The following LRR1 variants were observed in gnomAD, a reference collection of about 807,000 sequenced individuals.
The protein encoded by LRR1 is leucine rich repeat protein 1.
Under a neutral mutation model 31.6 loss-of-function variants are expected in LRR1, and 29 were observed. The ratio of observed to expected loss-of-function variants is 0.92; its 90% confidence interval spans 0.68 to 1.25. The LOEUF (loss-of-function observed/expected upper bound fraction) is 1.25, where lower values mean the gene tolerates loss of function less well. Among genes scored for constraint, LRR1 ranks in the 50% most tolerant of loss-of-function variants. LRR1 has a pLI of 0.00. For synonymous variants in LRR1, 179 were observed against 181.4 expected (o/e 0.99, Z 0.10); for missense variants, 485 against 487.2 (o/e 1.00, Z 0.04).
rs756250676 is a variant in LRR1, at chr14:49,607,904, C to A, written c.787C>A (p.Gln263Lys). The A allele has an allele frequency of 2.5e-6, 4 of 1,613,176 alleles. No individual in the cohort carries two copies. Among genetic ancestry groups the A allele is most frequent in the Admixed American group, 1.7e-5 (1 of 59,784 alleles). Residue 263 changes from glutamine to lysine, a missense_variant, in exon 3 of 4, where the codon CAA becomes AAA. This residue lies in a region of LRR1 where 210 missense variants were observed against 200.4 expected (regional missense o/e 1.05). Coordinates refer to ENST00000298288, the MANE Select transcript of LRR1 (RefSeq NM_152329.4). ...NLKLDDNELI[Q>K]FPCKIGQLIN... is the part of the protein sequence containing the mutation. ...AAAACTTGACGATAATGAATTGATT[C>A]AATTTCCTTGCAAGATAGGACAACT...
At chr14:49,612,669 T>C (rs1594592859) in intron 3 of LRR1, 2 of 1,027,764 alleles carry the variant, frequency 1.9e-6, no homozygotes, top group East Asian at 1.7e-4. Context: ...TTTCAGACTT[T>C]TCTGACAGGG....
intron 1 of LRR1, among the ~76,000 whole-genome samples, 184 bp from the exon 2 acceptor site, chr14:49,602,186 G>C (rs1482496100): frequency 1.3e-5 from 1 of 78,462 alleles, no homozygotes; most frequent in African/African-American, 4.9e-5. Context: ...GTCTCTTTCT[G>C]TTGCCCAGCC....
At chr14:49,606,040 T>C (rs1168643765) in intron 2 of LRR1, among the ~76,000 whole-genome samples, 1 of 151,138 alleles carries the variant, frequency 6.6e-6, no homozygotes, top group African/African-American at 2.4e-5. Flanking sequence ...TTTCTTTTTT[T>C]TTTTTTTATA....
At chr14:49,608,718 T>C (rs923167413) in intron 3 of LRR1, among the ~76,000 whole-genome samples, 1 of 151,766 alleles carries the variant, frequency 6.6e-6, no homozygotes, top group African/African-American at 2.4e-5. Context: ...AGATGCAGGT[T>C]CTAACATTCC....
At chr14:49,609,959 T>C (rs985586190) in intron 3 of LRR1, among the ~76,000 whole-genome samples, 1 of 151,984 alleles carries the variant, frequency 6.6e-6, no homozygotes, top group Non-Finnish European at 1.5e-5. Context: ...CTGCCTGTCT[T>C]GGTCTCTCAA....
intron 3 of LRR1, 85 bp from the exon 4 acceptor site, chr14:49,614,171 T>C: frequency 1.5e-6 from 2 of 1,362,214 alleles, no homozygotes; most frequent in South Asian, 1.4e-5. Flanking sequence ...ATTTTACTTT[T>C]CATTGTTAAA....
chr14:49,603,584 G>T, intron 2 of LRR1: 1 of 976,218 alleles, frequency 1.0e-6, no homozygotes, highest in Non-Finnish European at 1.3e-6. Flanking sequence ...AGGTTGGAGT[G>T]CAGTGGGAAG....
intron 3 of LRR1, among the ~76,000 whole-genome samples, chr14:49,609,125 G>T (rs1443328016): frequency 2.0e-5 from 3 of 148,418 alleles, no homozygotes; most frequent in Non-Finnish European, 4.5e-5. Context: ...CACCGTGTTA[G>T]CCAGGATGGT....
At position 49,602,355 on chromosome 14, in the gene LRR1, A is replaced by G. The variant is rs747751577; in HGVS notation, c.184-15A>G. The G allele has an allele frequency of 4.4e-6, 7 of 1,590,434 alleles. No homozygotes were observed. Among genetic ancestry groups the G allele is most frequent in the East Asian group, 2.2e-5 (1 of 44,722 alleles). Reference sequence around the variant, plus strand: ...TAATTAGTTTTCTTCTTTTTTTTCTATTGGTTTTATGCAGCTAAGGGAGAA... The same window carrying G: ...TAATTAGTTTTCTTCTTTTTTTTCTGTTGGTTTTATGCAGCTAAGGGAGAA... On this transcript the variant is annotated splice_polypyrimidine_tract_variant and intron_variant, in intron 1 of 3. Transcript: ENST00000298288.
At chr14:49,604,088 C>A (rs12883361) in intron 2 of LRR1, among the ~76,000 whole-genome samples, 151,130 of 151,130 alleles carry the variant, frequency 1, 75,565 homozygotes, top group Non-Finnish European at 1. Flanking sequence ...GGATCACTTG[C>A]TCTCAGGAGT....
In LRR1 at chr14:49,599,020, G is replaced by C. The variant is rs371268573; in HGVS notation, c.-1G>C. ...TGACGTGGTTGTGGCCGTTGGGCGA[G>C]ATGAAGCTACACTGTGAGGTGGAGG... is the stretch of plus-strand genomic sequence containing the variant. On this transcript the variant is annotated 5_prime_UTR_variant, in exon 1 of 4. Coordinates refer to ENST00000298288, the MANE Select transcript of LRR1 (RefSeq NM_152329.4). 3.7e-5 allele frequency: 59 copies of C among 1,606,072 alleles called. No individual in the cohort carries two copies. Among genetic ancestry groups the C allele is most frequent in the Non-Finnish European group, 4.6e-5 (54 of 1,176,246 alleles).
Position 49,614,638 on chromosome 14 carries a change from C to A in LRR1, c.*142C>A. 2 of 1,164,326 alleles carry A rather than the reference C, an allele frequency of 1.7e-6. No individual in the cohort carries two copies. Among genetic ancestry groups the A allele is most frequent in the Non-Finnish European group, 2.5e-6 (2 of 805,626 alleles). 72.1% of individuals were successfully genotyped at this position (1,164,326 alleles called of 1,614,324 possible). A position where few individuals can be genotyped will look rare whatever the true frequency, so the allele number is the denominator to read the frequency against. On this transcript the variant is annotated 3_prime_UTR_variant, in exon 4 of 4. Coordinates refer to ENST00000298288, the MANE Select transcript of LRR1 (RefSeq NM_152329.4). Reference sequence around the variant, plus strand: ...TGTGTATAGTTACTCATTTAGATGACTCCAAAACTTTTATTAAAACCAATT... The same window carrying A: ...TGTGTATAGTTACTCATTTAGATGAATCCAAAACTTTTATTAAAACCAATT...
At chr14:49,611,758 A>G (rs948128681) in intron 3 of LRR1, among the ~76,000 whole-genome samples, 6 of 152,072 alleles carry the variant, frequency 3.9e-5, no homozygotes, top group Admixed American at 3.9e-4. Context: ...CCCTGTCTCC[A>G]CTAAAAATAC....
intron 3 of LRR1, among the ~76,000 whole-genome samples, chr14:49,609,698 C>T (rs780996959): frequency 1.1e-4 from 17 of 150,866 alleles, no homozygotes; most frequent in South Asian, 6.3e-4. Flanking sequence ...TGAGCCACCG[C>T]GCCTGGCCTT....
chr14:49,609,301 C>G (rs1357762406), intron 3 of LRR1, among the ~76,000 whole-genome samples: 1 of 143,400 alleles, frequency 7.0e-6, no homozygotes, highest in Non-Finnish European at 1.5e-5. Context: ...TCTCAGCTCA[C>G]TGCAACTTCT....
chr14:49,604,278 C>G (rs998367667), intron 2 of LRR1, among the ~76,000 whole-genome samples: 6 of 152,164 alleles, frequency 3.9e-5, no homozygotes, highest in Admixed American at 2.6e-4. Flanking sequence ...GCACTCCAAC[C>G]TGGGCGACAG....
At chr14:49,606,371 T>C (rs1308299885) in intron 2 of LRR1, among the ~76,000 whole-genome samples, 1 of 140,294 alleles carries the variant, frequency 7.1e-6, no homozygotes, top group Non-Finnish European at 1.6e-5. Flanking sequence ...CGAGTTTCAC[T>C]TGTGTCGCCC....
chr14:49,607,678 C>T lies in LRR1; in HGVS notation c.561C>T (p.Asn187=). 1.9e-6 allele frequency: 3 copies of T among 1,611,262 alleles called. No homozygotes were observed. The highest frequency in any genetic ancestry group is 2.5e-6 in the Non-Finnish European group (3 of 1,179,338). ...TTAGGAAATTAGACTTGAGTCACAA[C>T]CATATAAAAAAGCTTCCAGCTACAA... is the stretch of plus-strand genomic sequence containing the variant. ...KSLRKLDLSH[N]HIKKLPATIG... Residue 187 remains asparagine, a synonymous_variant, in exon 3 of 4, where the codon AAC becomes AAT. Transcript: ENST00000298288.
In LRR1 at chr14:49,599,129, T is replaced by A. The variant is rs1566489674; in HGVS notation, c.109T>A (p.Ser37Thr). The change falls in exon 1 of 4, where the codon TCC (serine) becomes ACC (threonine). Residue 37 changes from serine (S) to threonine (T), a missense_variant. Transcript: ENST00000298288. ...RAVLSLCQQT[S>T]RSQPPVRAFL... The stretch of plus-strand genomic sequence containing the variant: ...CGTGTTGAGCCTCTGTCAGCAGACT[T>A]CCAGGAGTCAGCCGCCGGTCCGAGC... 1 of 1,608,892 alleles carries A rather than the reference T, an allele frequency of 6.2e-7. No individual in the cohort carries two copies. The highest frequency in any genetic ancestry group is 8.5e-7 in the Non-Finnish European group (1 of 1,178,106).
Sources: gnomAD v4.1 joint callset for allele counts (sites outside exome capture counted in the v4.1 genomes callset) on GRCh38, gnomAD v4.1.1 for gene constraint, gnomAD v4.1.1 regional missense constraint, MANE v1.5 for transcripts, NCBI Gene and HGNC (gene_info 2026-07-23, HGNC 2026-07-21) for gene names.